Variants in PTGFR observed in about 807,000 individuals in gnomAD.
PTGFR encodes prostaglandin F2-alpha receptor.
Under a neutral mutation model 26.2 loss-of-function variants are expected in PTGFR, and 15 were observed. The observed-to-expected ratio is 0.57, with a 90% CI of 0.38 to 0.88. PTGFR has a LOEUF of 0.88. Ranked by LOEUF, PTGFR falls within the 40% of genes least tolerant of loss-of-function variation. The pLI, the probability that PTGFR is intolerant of heterozygous loss-of-function variation, is 0.00. For missense variants in PTGFR, 369 were observed against 427.2 expected (o/e 0.86, Z 1.20); for synonymous variants, 165 against 151.1 (o/e 1.09, Z -0.68).
At chr1:78,492,453 A>G (rs1649427348) in intron 1 of PTGFR, among the ~76,000 whole-genome samples, 1 of 152,194 alleles carries the variant, frequency 6.6e-6, no homozygotes, top group Admixed American at 6.5e-5. Flanking sequence ...CAGAGGGGCC[A>G]CAGAAGTTAA....
intron 2 of PTGFR, among the ~76,000 whole-genome samples, chr1:78,525,956 T>A (rs983174580): frequency 6.6e-6 from 1 of 152,114 alleles, no homozygotes; most frequent in African/African-American, 2.4e-5. Flanking sequence ...ACTGTTCCAA[T>A]TGGAAGTAGT....
intron 2 of PTGFR, among the ~76,000 whole-genome samples, chr1:78,522,719 G>T (rs534772133): frequency 6.6e-6 from 1 of 152,160 alleles, no homozygotes; most frequent in Non-Finnish European, 1.5e-5. Flanking sequence ...ACAAGAAACA[G>T]AAACTAAGAA....
intron 2 of PTGFR, among the ~76,000 whole-genome samples, chr1:78,499,130 G>A (rs1399268417): frequency 1.3e-5 from 2 of 152,144 alleles, no homozygotes; most frequent in Non-Finnish European, 2.9e-5. Context: ...GGAGATCAGG[G>A]AGCACATTCC....
chr1:78,534,260 A>T (rs1377738157), intron 2 of PTGFR, among the ~76,000 whole-genome samples: 1 of 152,172 alleles, frequency 6.6e-6, no homozygotes, highest in Admixed American at 6.5e-5. Context: ...GACAGAGAAT[A>T]ATGTTCTCAA....
intron 2 of PTGFR, among the ~76,000 whole-genome samples, chr1:78,529,235 C>T (rs1367435801): frequency 1.3e-5 from 2 of 152,146 alleles, no homozygotes; most frequent in East Asian, 1.9e-4. Context: ...ATTAAAACGA[C>T]GTTGCCAGTG....
chr1:78,493,597 A>G, intron 2 of PTGFR, 56 bp downstream of exon 2: 1 of 1,459,814 alleles, frequency 6.9e-7, no homozygotes, highest in Admixed American at 2.4e-5. Flanking sequence ...GTTCAATTCA[A>G]GGTTATCTGG....
At chr1:78,518,619 CAT>C (rs1040798618) in intron 2 of PTGFR, among the ~76,000 whole-genome samples, 15 of 112,442 alleles carry the variant, frequency 1.3e-4, no homozygotes, top group South Asian at 5.7e-4. Flanking sequence ...CACACACACA[CAT>C]ACGCATTTAT....
chr1:78,528,294 C>CAA lies in PTGFR; in HGVS notation c.799-8085_799-8084dup, dbSNP rs35137595. ...CAGAGAAGTAAGTTCAGAAAGTTAG[C>CAA]AAAAAAAAAAAAAAAAAAAAAAAAA... On this transcript the variant is annotated intron_variant, in intron 2 of 2. Coordinates refer to ENST00000370757, the MANE Select transcript of PTGFR (RefSeq NM_000959.4). 2.3e-3 allele frequency among the ~76,000 whole-genome samples: 46 copies of CAA among 20,114 alleles called. 8 individuals carry two copies. Among genetic ancestry groups the CAA allele is most frequent in the African/African-American group, 5.9e-3 (40 of 6,832 alleles). The allele number at this position is 20,114 out of a possible 152,430, so 13.2% of individuals were successfully genotyped here.
At chr1:78,521,094 A>G (rs1417102148) in intron 2 of PTGFR, among the ~76,000 whole-genome samples, 1 of 151,996 alleles carries the variant, frequency 6.6e-6, no homozygotes, top group Non-Finnish European at 1.5e-5. Flanking sequence ...CCAGCTCTAT[A>G]GACACTCCAC....
intron 2 of PTGFR, among the ~76,000 whole-genome samples, chr1:78,496,583 A>C (rs1229834076): frequency 1.3e-5 from 2 of 152,220 alleles, no homozygotes; most frequent in Non-Finnish European, 2.9e-5. Flanking sequence ...ATGCACTAAA[A>C]GGAGGAAAGG....
At position 78,532,077 on chromosome 1, in the gene PTGFR, G is replaced by A. The variant is rs552827937; in HGVS notation, c.799-4329G>A. On this transcript the variant is annotated intron_variant, in intron 2 of 2. Transcript: ENST00000370757. ...AGATATGTAATTTTTAGTGAGGGAA[G>A]GGCAGGGAACATGGCATGTTTTTGG... 3.8e-4 allele frequency: 116 copies of A among 303,122 alleles called. 1 individual carries two copies. The highest frequency in any genetic ancestry group is 2.7e-3 in the African/African-American group (114 of 42,970). 18.8% of individuals were successfully genotyped at this position (303,122 alleles called of 1,614,324 possible).
chr1:78,505,619 G>T lies in PTGFR; in HGVS notation c.798+12078G>T, dbSNP rs538554092. The stretch of plus-strand genomic sequence containing the variant: ...ACACTTGGTACATTCACAATGTTGT[G>T]CAGCTGTCACCACTATCTTGTACAG... On this transcript the variant is annotated intron_variant, in intron 2 of 2. Transcript: ENST00000370757. Among the ~76,000 whole-genome samples the T allele has an allele frequency of 3.9e-5, 6 of 152,156 alleles. No individual in the cohort carries two copies. In the South Asian group the frequency reaches 6.2e-4, roughly 16 times the overall value.
chr1:78,504,723 A>T (rs1389992161), intron 2 of PTGFR, among the ~76,000 whole-genome samples: 2 of 151,966 alleles, frequency 1.3e-5, no homozygotes, highest in Non-Finnish European at 2.9e-5. Flanking sequence ...TACATTTATG[A>T]CTTATTTTGG....
intron 2 of PTGFR, among the ~76,000 whole-genome samples, chr1:78,521,391 C>A (rs1278702947): frequency 1.3e-5 from 2 of 151,988 alleles, no homozygotes; most frequent in African/African-American, 4.8e-5. Context: ...ATTGCCTGTG[C>A]CATTCTGATT....
intron 2 of PTGFR, chr1:78,497,907 T>C (rs139787077): frequency 1.6e-5 from 25 of 1,594,406 alleles, no homozygotes; most frequent in Non-Finnish European, 2.1e-5. Context: ...GAAAGAGAAA[T>C]ATAAAGTATA....
chr1:78,521,724 A>G (rs927951089), intron 2 of PTGFR, among the ~76,000 whole-genome samples: 1 of 152,054 alleles, frequency 6.6e-6, no homozygotes, highest in Non-Finnish European at 1.5e-5. Context: ...ACTATGTTAA[A>G]CGGTAGTAGT....
Position 78,539,123 on chromosome 1 carries a change from T to C in PTGFR, c.*2436T>C, listed in dbSNP as rs183254888. ...TCCAAAACATCAGACCTTTTACTGATGGGTTAACTAGGTGAAAGAAATGGG... is the reference window on the plus strand; with the variant it reads ...TCCAAAACATCAGACCTTTTACTGACGGGTTAACTAGGTGAAAGAAATGGG... On this transcript the variant is annotated 3_prime_UTR_variant, in exon 3 of 3. Coordinates refer to ENST00000370757, the MANE Select transcript of PTGFR (RefSeq NM_000959.4). The C allele has an allele frequency of 6.6e-6, 1 of 151,932 alleles. No individual in the cohort carries two copies. The highest frequency in any genetic ancestry group is 6.6e-5 in the Admixed American group (1 of 15,236). The allele number at this position is 151,932 out of a possible 1,614,324, so 9.4% of individuals were successfully genotyped here.
rs1205000357 is a variant in PTGFR, at chr1:78,492,788, G to T, written c.45G>T (p.Ala15=). Reference sequence around the variant, plus strand: ...AACAGCTAGTGTCTCCTGCAGCTGCGCTTCTTTCAAACACAACCTGCCAGA... The same window carrying T: ...AACAGCTAGTGTCTCCTGCAGCTGCTCTTCTTTCAAACACAACCTGCCAGA... ...NSKQLVSPAA[A]LLSNTTCQTE... Residue 15 remains alanine (A), a synonymous_variant, in exon 2 of 3, where the codon GCG becomes GCT. Transcript: ENST00000370757. 6.2e-7 allele frequency: 1 copy of T among 1,614,122 alleles called. No individual in the cohort carries two copies. Among genetic ancestry groups the T allele is most frequent in the Non-Finnish European group, 8.5e-7 (1 of 1,180,018 alleles).
At chr1:78,505,888 A>C (rs1649818006) in intron 2 of PTGFR, among the ~76,000 whole-genome samples, 1 of 152,206 alleles carries the variant, frequency 6.6e-6, no homozygotes, top group African/African-American at 2.4e-5. Flanking sequence ...TTTGTAGCTG[A>C]CTAAATTCAT....
Sources: gnomAD v4.1 joint callset for allele counts (sites outside exome capture counted in the v4.1 genomes callset) on GRCh38, gnomAD v4.1.1 for gene constraint, MANE v1.5 for transcripts, NCBI Gene and HGNC (gene_info 2026-07-23, HGNC 2026-07-21) for gene names.